The following BLACAT1 variants were observed in gnomAD, a reference collection of about 807,000 sequenced individuals.
The protein encoded by BLACAT1 is bladder cancer associated transcript 1.
At chr1:205,438,347 G>A (rs190986320), downstream of BLACAT1, among the ~76,000 whole-genome samples, 1 of 152,350 alleles carries the variant, frequency 6.6e-6, no homozygotes, top group East Asian at 1.9e-4. Context: ...TGGAGTCTCT[G>A]GGAGAGAACC....
intron 1 of BLACAT1, among the ~76,000 whole-genome samples, chr1:205,443,604 C>T (rs1381850984): frequency 6.6e-6 from 1 of 152,262 alleles, no homozygotes; most frequent in South Asian, 2.1e-4. Flanking sequence ...GTCCTTGTAT[C>T]TAAGAGTAGA....
chr1:205,449,752 GC>G, intron 1 of BLACAT1: 1 of 153,000 alleles, frequency 6.5e-6, no homozygotes, highest in Non-Finnish European at 1.5e-5. Context: ...TCTCTCATGG[GC>G]CCCCAGAACC....
downstream of BLACAT1, chr1:205,437,409 CAG>C (rs772648160): frequency 6.6e-6 from 1 of 152,288 alleles, no homozygotes; most frequent in Admixed American, 6.5e-5. Flanking sequence ...GACCTGGAGT[CAG>C]AGTCTAGGCC....
At chr1:205,455,089 C>T (rs542059661) in intron 1 of BLACAT1, among the ~76,000 whole-genome samples, 1 of 152,108 alleles carries the variant, frequency 6.6e-6, no homozygotes, top group South Asian at 2.1e-4. Context: ...TGTTATGGAC[C>T]CTTTCTCAGG....
downstream of BLACAT1, chr1:205,435,368 G>T (rs1449204670): frequency 6.6e-6 from 1 of 152,212 alleles, no homozygotes; most frequent in Non-Finnish European, 1.5e-5. Context: ...AGAAAGAACA[G>T]AAATCCTTTC....
intron 1 of BLACAT1, among the ~76,000 whole-genome samples, chr1:205,452,690 T>C (rs2102481139): frequency 6.6e-6 from 1 of 152,320 alleles, no homozygotes; most frequent in Middle Eastern, 3.4e-3. Context: ...GAGCCTTTCA[T>C]AGACTTATGT....
At chr1:205,453,149 A>G (rs1278463859) in intron 1 of BLACAT1, among the ~76,000 whole-genome samples, 1 of 152,062 alleles carries the variant, frequency 6.6e-6, no homozygotes, top group Non-Finnish European at 1.5e-5. Flanking sequence ...TCTGCCCCAA[A>G]CAAGCCTGCA....
rs1030774600 is a variant in BLACAT1 at position 205,448,449 on chromosome 1, C to T, written c.-36-7387G>A. Reference sequence around the variant, plus strand: ...TAGGGAAGCGAGAAGCTGGGGCACCCGAGAAGCCCTCACTCCCCTTCTCAG... The same window carrying T: ...TAGGGAAGCGAGAAGCTGGGGCACCTGAGAAGCCCTCACTCCCCTTCTCAG... On this transcript the variant is annotated intron_variant, in intron 1 of 1. Transcript: ENST00000629624. This position sits in a 1 kb window ranked among gnomAD's most constrained non-coding sequence, Gnocchi z 4.7. 3 of 529,328 alleles carry T rather than the reference C, an allele frequency of 5.7e-6. No homozygotes were observed. The highest frequency in any genetic ancestry group is 2.0e-5 in the Admixed American group (1 of 51,128). The allele number at this position is 529,328 out of a possible 1,614,324, so 32.8% of individuals were successfully genotyped here.
intron 1 of BLACAT1, among the ~76,000 whole-genome samples, chr1:205,445,956 G>A (rs1391000689): frequency 6.6e-6 from 1 of 152,176 alleles, no homozygotes; most frequent in Non-Finnish European, 1.5e-5. Flanking sequence ...TACAATAAGA[G>A]AGAGTCATCT....
intron 1 of BLACAT1, among the ~76,000 whole-genome samples, chr1:205,444,050 T>C (rs916883389): frequency 6.6e-6 from 1 of 152,110 alleles, no homozygotes; most frequent in Admixed American, 6.5e-5. Flanking sequence ...GCTGCGTCTA[T>C]TTGAGGGGGA....
At chr1:205,435,911 A>T (rs1446733782), downstream of BLACAT1, 1 of 152,214 alleles carries the variant, frequency 6.6e-6, no homozygotes, top group East Asian at 1.9e-4. Context: ...CCTTTTCTCC[A>T]TCACTTTTTC....
At position 205,450,470 on chromosome 1, in the gene BLACAT1, G is replaced by A. The variant is rs1253925074; in HGVS notation, c.-37+5447C>T. Among the ~76,000 whole-genome samples, 2 of 140,948 alleles carry A rather than the reference G, an allele frequency of 1.4e-5. No individual in the cohort carries two copies. The highest frequency in any genetic ancestry group is 7.0e-5 in the Admixed American group (1 of 14,218). 92.5% of individuals were successfully genotyped at this position (140,948 alleles called of 152,430 possible). ...CCTGGCCCCCCTCCCCTTCTCCGCAGCCCTGGTTCCTCTCCTCACCCATAC... is the reference window on the plus strand; with the variant it reads ...CCTGGCCCCCCTCCCCTTCTCCGCAACCCTGGTTCCTCTCCTCACCCATAC... On this transcript the variant is annotated intron_variant, in intron 1 of 1. Transcript: ENST00000629624. This position sits in a 1 kb window ranked among gnomAD's most constrained non-coding sequence, Gnocchi z 4.4.
At chr1:205,439,934 G>A (rs1666265628) in exon 2 of BLACAT1, among the ~76,000 whole-genome samples, 1 of 152,022 alleles carries the variant, frequency 6.6e-6, no homozygotes, top group Admixed American at 6.6e-5. Flanking sequence ...TGGGGGTAAG[G>A]GCAGAGGCTG....
exon 2 of BLACAT1, chr1:205,440,986 C>T (rs575364285): frequency 6.6e-6 from 1 of 152,438 alleles, no homozygotes; most frequent in Admixed American, 6.5e-5. Flanking sequence ...TTTGCAGAAG[C>T]CGTGGAGACC....
chr1:205,445,701 C>G (rs190328008), intron 1 of BLACAT1, among the ~76,000 whole-genome samples: 2 of 152,344 alleles, frequency 1.3e-5, no homozygotes, highest in East Asian at 1.9e-4. Flanking sequence ...GTGGCCTGCA[C>G]TCAGTGTTTT....
chr1:205,446,933 G>A (rs900882000), intron 1 of BLACAT1, among the ~76,000 whole-genome samples: 29 of 152,124 alleles, frequency 1.9e-4, no homozygotes, highest in African/African-American at 6.0e-4. Flanking sequence ...TGATCCCCCC[G>A]CTCCCCCCGA....
chr1:205,447,083 AGTACTTTCCCATGCACTG>A (rs1251337636), intron 1 of BLACAT1, among the ~76,000 whole-genome samples: 1 of 152,246 alleles, frequency 6.6e-6, no homozygotes, highest in African/African-American at 2.4e-5. Context: ...TGGTTTTCAG[AGTACTTTCCCATGCACTG>A]GTGTTGGCTC....
intron 1 of BLACAT1, among the ~76,000 whole-genome samples, chr1:205,447,761 G>C (rs985572503): frequency 4.0e-5 from 6 of 151,714 alleles, no homozygotes; most frequent in Admixed American, 1.3e-4. Flanking sequence ...CCGGGGGAGC[G>C]CCTGCCTTCC....
At position 205,448,037 on chromosome 1, in the gene BLACAT1, C is replaced by T. The variant is rs544088251; in HGVS notation, c.-36-6975G>A. On this transcript the variant is annotated intron_variant, in intron 1 of 1. Coordinates refer to ENST00000629624, the Ensembl canonical transcript of BLACAT1. This position sits in a 1 kb window ranked among gnomAD's most constrained non-coding sequence, Gnocchi z 4.7. ...AGTAATTTGGCAAGGGGGAAGGAAC[C>T]GACTCAGAAAGCTCAGCACACCCTG... Among the ~76,000 whole-genome samples, 7 of 152,180 alleles carry T rather than the reference C, an allele frequency of 4.6e-5. No homozygotes were observed. Among genetic ancestry groups the T allele is most frequent in the African/African-American group, 1.2e-4 (5 of 41,448 alleles).
Sources: allele counts gnomAD v4.1 joint callset (sites outside exome capture counted in the v4.1 genomes callset), GRCh38; gene constraint gnomAD v4.1.1; non-coding constraint Gnocchi (gnomAD v3.1); transcripts MANE v1.5; gene names NCBI Gene and HGNC (gene_info 2026-07-23, HGNC 2026-07-21).